ROBO2: variants seen among roughly 807,000 people sequenced by gnomAD.
The protein encoded by ROBO2 is roundabout guidance receptor 2.
Under a neutral mutation model 160.8 loss-of-function variants are expected in ROBO2, and 53 were observed. That is an observed-to-expected ratio of 0.33 (90% confidence interval 0.26 to 0.41). The LOEUF (loss-of-function observed/expected upper bound fraction) is 0.41. Among genes scored for constraint, ROBO2 ranks in the 10% least tolerant of loss-of-function variants. The pLI is 1.00. For missense variants in ROBO2, 1,577 were observed against 1,722.4 expected (o/e 0.92, Z 1.49); for synonymous variants, 664 against 611.7 (o/e 1.09, Z -1.26).
At chr3:76,334,190 A>G (rs2073706919) in intron 2 of ROBO2, among the ~76,000 whole-genome samples, 1 of 152,184 alleles carries the variant, frequency 6.6e-6, no homozygotes, top group Non-Finnish European at 1.5e-5. Flanking sequence ...TTCACCACCC[A>G]TATCATCATT....
At chr3:76,462,469 T>A (rs2078138204) in intron 2 of ROBO2, among the ~76,000 whole-genome samples, 1 of 152,172 alleles carries the variant, frequency 6.6e-6, no homozygotes, top group South Asian at 2.1e-4. Context: ...TGTTGTGCCA[T>A]TACCATCAGT....
intron 2 of ROBO2, among the ~76,000 whole-genome samples, chr3:77,098,602 C>T (rs1056915694): frequency 2.0e-5 from 3 of 152,088 alleles, no homozygotes; most frequent in Non-Finnish European, 4.4e-5. Context: ...AATCCCAGCA[C>T]TTTGGGAGGC....
intron 2 of ROBO2, among the ~76,000 whole-genome samples, chr3:76,917,419 G>A (rs2076389867): frequency 6.6e-6 from 1 of 152,184 alleles, no homozygotes; most frequent in Non-Finnish European, 1.5e-5. Flanking sequence ...CAAGAAAAAT[G>A]ATTGATAAGT....
chr3:76,394,235 A>G (rs1422463226), intron 2 of ROBO2, among the ~76,000 whole-genome samples: 1 of 152,082 alleles, frequency 6.6e-6, no homozygotes, highest in Non-Finnish European at 1.5e-5. Context: ...TGGTCTTTAC[A>G]TTTTGTCATG....
chr3:76,012,196 A>G (rs2066213514), intron 2 of ROBO2, among the ~76,000 whole-genome samples: 1 of 152,184 alleles, frequency 6.6e-6, no homozygotes, highest in African/African-American at 2.4e-5. Flanking sequence ...TAAAGCCTTT[A>G]TATGTAATGA....
At chr3:76,859,719 C>G (rs2070534739) in intron 2 of ROBO2, among the ~76,000 whole-genome samples, 1 of 152,204 alleles carries the variant, frequency 6.6e-6, no homozygotes, top group Non-Finnish European at 1.5e-5. Flanking sequence ...AGCCTCTTTT[C>G]CCACCCAGCT....
chr3:77,062,586 C>G (rs1285352878), intron 1 of ROBO2, among the ~76,000 whole-genome samples: 2 of 152,052 alleles, frequency 1.3e-5, no homozygotes, highest in African/African-American at 4.8e-5. Context: ...TGTGTGGTAG[C>G]CTTTAGGTCA....
intron 2 of ROBO2, among the ~76,000 whole-genome samples, chr3:77,241,556 A>G (rs1255065769): frequency 1.3e-5 from 2 of 152,204 alleles, no homozygotes; most frequent in South Asian, 4.1e-4. Flanking sequence ...CAGTTTTCCC[A>G]TCTGATAAGA....
intron 2 of ROBO2, among the ~76,000 whole-genome samples, chr3:77,255,810 T>G (rs1218353218): frequency 6.6e-6 from 1 of 152,196 alleles, no homozygotes; most frequent in African/African-American, 2.4e-5. Context: ...TTTTAATCTA[T>G]TCTGTATAAA....
At chr3:76,336,637 G>C (rs2073908410) in intron 2 of ROBO2, among the ~76,000 whole-genome samples, 2 of 152,234 alleles carry the variant, frequency 1.3e-5, no homozygotes, top group Non-Finnish European at 2.9e-5. Flanking sequence ...TACTTGATTT[G>C]TGAAAAGCTC....
intron 1 of ROBO2, among the ~76,000 whole-genome samples, chr3:77,095,814 G>A (rs2070981020): frequency 1.3e-5 from 2 of 151,856 alleles, no homozygotes; most frequent in African/African-American, 4.8e-5. Context: ...TTTGTATTCT[G>A]TAAATTCCTC....
At chr3:77,428,444 C>T (rs1332794025) in intron 2 of ROBO2, among the ~76,000 whole-genome samples, 2 of 147,160 alleles carry the variant, frequency 1.4e-5, no homozygotes, top group Non-Finnish European at 3.0e-5. Flanking sequence ...GCAAGCTCCA[C>T]TTCCCGGGTT....
chr3:76,993,085 TG>T (rs1009504557), intron 2 of ROBO2, among the ~76,000 whole-genome samples: 1 of 152,154 alleles, frequency 6.6e-6, no homozygotes, highest in African/African-American at 2.4e-5. Context: ...CCCAAAGTGC[TG>T]GGATAACAGG....
intron 2 of ROBO2, among the ~76,000 whole-genome samples, chr3:76,482,807 G>C (rs1399543253): frequency 6.6e-6 from 1 of 152,000 alleles, no homozygotes; most frequent in Non-Finnish European, 1.5e-5. Flanking sequence ...AGTGCCTTGG[G>C]TATTATGGTC....
At chr3:77,321,694 A>T (rs1387378416) in intron 2 of ROBO2, among the ~76,000 whole-genome samples, 1 of 152,160 alleles carries the variant, frequency 6.6e-6, no homozygotes. Flanking sequence ...TAACCACTAC[A>T]AAAGGATTTA....
chr3:76,576,490 A>G (rs903111956), intron 2 of ROBO2, among the ~76,000 whole-genome samples: 2 of 152,236 alleles, frequency 1.3e-5, no homozygotes, highest in Middle Eastern at 3.4e-3. Flanking sequence ...TCTGCAAAGC[A>G]TCCCATTTTG....
chr3:76,873,759 C>G (rs1370781591), intron 2 of ROBO2, among the ~76,000 whole-genome samples: 1 of 152,088 alleles, frequency 6.6e-6, no homozygotes, highest in East Asian at 1.9e-4. Flanking sequence ...ACAAACTTTG[C>G]CCTGAAAGTT....
intron 2 of ROBO2, among the ~76,000 whole-genome samples, chr3:76,162,879 C>CACTGGAAG (rs1240253674): frequency 1.3e-5 from 2 of 151,976 alleles, no homozygotes; most frequent in African/African-American, 4.8e-5. Context: ...TTTTTCTTAT[C>CACTGGAAG]ACTGGAAGTC....
chr3:76,715,677 A>G (rs539015399), intron 2 of ROBO2, among the ~76,000 whole-genome samples: 1 of 152,332 alleles, frequency 6.6e-6, no homozygotes, highest in African/African-American at 2.4e-5. Context: ...TGAGAATGAA[A>G]GAAACCAAAA....
Sources: gnomAD v4.1 joint callset for allele counts (sites outside exome capture counted in the v4.1 genomes callset) on GRCh38, gnomAD v4.1.1 for gene constraint, MANE v1.5 for transcripts, NCBI Gene and HGNC (gene_info 2026-07-23, HGNC 2026-07-21) for gene names.